Variants in PTPRG observed in about 807,000 individuals in gnomAD.
The protein encoded by PTPRG is protein tyrosine phosphatase receptor type G, also known as receptor-type tyrosine-protein phosphatase gamma.
Under a neutral mutation model 165.3 loss-of-function variants are expected in PTPRG, and 102 were observed. The ratio of observed to expected loss-of-function variants is 0.62; its 90% confidence interval spans 0.53 to 0.73. PTPRG has a LOEUF of 0.73. PTPRG is among the 30% of genes least tolerant of loss of function. The probability of loss-of-function intolerance (pLI) is 0.00; values close to 1 mark genes in which losing one functional copy is unlikely to be tolerated. For synonymous variants in PTPRG, 675 were observed against 669.5 expected (o/e 1.01, Z -0.13); for missense variants, 1,866 against 1,861.4 (o/e 1.00, Z -0.05).
rs966851945 is a variant in PTPRG at position 61,742,402 on chromosome 3, A to G, written c.86-6476A>G. ...GAAGAAATTGGGCCTTTGGGTCTGG[A>G]ATTTTTTTTTTTTTTTTTTTTGAAC... On this transcript the variant is annotated intron_variant, in intron 1 of 29. Transcript: ENST00000474889. 218 of 786,676 alleles carry G rather than the reference A, an allele frequency of 2.8e-4. 2 individuals carry two copies. The highest frequency in any genetic ancestry group is 5.7e-4 in the Middle Eastern group (2 of 3,494). 48.7% of individuals were successfully genotyped at this position (786,676 alleles called of 1,614,324 possible). A position where few individuals can be genotyped will look rare whatever the true frequency, so the allele number is the denominator to read the frequency against.
At chr3:62,140,753 A>G (rs1703894920) in intron 6 of PTPRG, among the ~76,000 whole-genome samples, 1 of 151,168 alleles carries the variant, frequency 6.6e-6, no homozygotes, top group East Asian at 2.0e-4. Flanking sequence ...AGACTGAGGC[A>G]GGAGAATCAC....
intron 15 of PTPRG, among the ~76,000 whole-genome samples, chr3:62,244,883 G>A (rs1350882546): frequency 1.3e-5 from 2 of 152,140 alleles, no homozygotes; most frequent in African/African-American, 4.8e-5. Flanking sequence ...TTCTAAAAAG[G>A]TCTTGGCTGT....
intron 1 of PTPRG, among the ~76,000 whole-genome samples, chr3:61,730,896 C>A (rs1055994374): frequency 7.9e-5 from 12 of 152,168 alleles, no homozygotes; most frequent in African/African-American, 2.9e-4. Context: ...AACTGGATTT[C>A]TAGGTTACAA....
At chr3:61,589,077 A>G (rs1201856504) in intron 1 of PTPRG, among the ~76,000 whole-genome samples, 4 of 152,236 alleles carry the variant, frequency 2.6e-5, no homozygotes, top group Non-Finnish European at 4.4e-5. Flanking sequence ...ATTTTGCTAC[A>G]TTTTTAATTG....
intron 2 of PTPRG, chr3:61,753,689 G>A (rs116271407): frequency 2.4e-6 from 1 of 417,768 alleles, no homozygotes; most frequent in African/African-American, 2.1e-5. Flanking sequence ...TGCTTCCTGA[G>A]TTCAAGCAAT....
intron 1 of PTPRG, among the ~76,000 whole-genome samples, chr3:61,588,194 T>C (rs1279785037): frequency 6.6e-6 from 1 of 152,134 alleles, no homozygotes; most frequent in East Asian, 1.9e-4. Context: ...ATTACAGTTA[T>C]GCGTCCTGTT....
chr3:61,968,782 T>C (rs944157109), intron 2 of PTPRG, among the ~76,000 whole-genome samples: 2 of 152,156 alleles, frequency 1.3e-5, no homozygotes, highest in African/African-American at 4.8e-5. Context: ...ATGAGGATGA[T>C]CTTGATGATA....
At chr3:61,720,492 C>T (rs573798387) in intron 1 of PTPRG, among the ~76,000 whole-genome samples, 13 of 152,174 alleles carry the variant, frequency 8.5e-5, no homozygotes, top group South Asian at 6.2e-4. Context: ...TATAGTGAAC[C>T]GCTCAATGAA....
At chr3:62,018,596 A>C (rs755235880) in intron 4 of PTPRG, among the ~76,000 whole-genome samples, 1 of 152,266 alleles carries the variant, frequency 6.6e-6, no homozygotes, top group African/African-American at 2.4e-5. Flanking sequence ...TGCCTCTTCA[A>C]ATGGTAGTCT....
At chr3:62,128,985 G>GT (rs560906434) in intron 5 of PTPRG, among the ~76,000 whole-genome samples, 73 of 152,160 alleles carry the variant, frequency 4.8e-4, no homozygotes, top group Non-Finnish European at 8.2e-4. Flanking sequence ...AATGAGCTCA[G>GT]TATTATTAGT....
chr3:61,653,742 A>C (rs1457022386), intron 1 of PTPRG, among the ~76,000 whole-genome samples: 2 of 152,144 alleles, frequency 1.3e-5, no homozygotes, highest in Non-Finnish European at 2.9e-5. Flanking sequence ...CTTCCTGTAT[A>C]AGGGCCCAGC....
At chr3:62,172,160 T>C (rs975586875) in intron 8 of PTPRG, among the ~76,000 whole-genome samples, 2 of 152,228 alleles carry the variant, frequency 1.3e-5, no homozygotes, top group African/African-American at 4.8e-5. Context: ...TTAATGGACA[T>C]TGAGTTTTTT....
intron 12 of PTPRG, among the ~76,000 whole-genome samples, chr3:62,204,294 ATAATG>A (rs1219138588): frequency 1.3e-5 from 2 of 152,224 alleles, no homozygotes; most frequent in African/African-American, 2.4e-5. Context: ...TATTCATTAT[ATAATG>A]TATCTACAAA....
rs542306888 is a variant in PTPRG at position 62,069,684 on chromosome 3, T to TCTCACACA, written c.520-8478_520-8477insTCACACAC. On this transcript the variant is annotated intron_variant, in intron 4 of 29. Coordinates refer to ENST00000474889, the MANE Select transcript of PTPRG (RefSeq NM_002841.4). ...CTCTCTCTCTCTCTCTCTCTCTCTC[T>TCTCACACA]CACACACAGACACACGCACACACAC... 8.4e-3 allele frequency among the ~76,000 whole-genome samples: 1,217 copies of TCTCACACA among 144,776 alleles called. 23 individuals carry two copies. The highest frequency in any genetic ancestry group is 0.028 in the African/African-American group (1,051 of 37,622). The allele number at this position is 144,776 out of a possible 152,430, so 95.0% of individuals were successfully genotyped here.
At chr3:61,936,033 G>T (rs540525715) in intron 2 of PTPRG, among the ~76,000 whole-genome samples, 5 of 152,098 alleles carry the variant, frequency 3.3e-5, no homozygotes, top group African/African-American at 4.8e-5. Flanking sequence ...GTTGAATGAA[G>T]TGCTGTCTTG....
intron 5 of PTPRG, among the ~76,000 whole-genome samples, chr3:62,121,487 G>A (rs1042003707): frequency 6.6e-6 from 1 of 151,984 alleles, no homozygotes; most frequent in Admixed American, 6.6e-5. Flanking sequence ...GTTGTGAATC[G>A]GGCTCTAGCA....
At chr3:61,914,264 C>A (rs551485748) in intron 2 of PTPRG, among the ~76,000 whole-genome samples, 1 of 152,178 alleles carries the variant, frequency 6.6e-6, no homozygotes, top group South Asian at 2.1e-4. Flanking sequence ...TTTGTGATTC[C>A]ATGTGGGGTG....
At chr3:61,815,482 A>G (rs1042452519) in intron 2 of PTPRG, among the ~76,000 whole-genome samples, 3 of 152,162 alleles carry the variant, frequency 2.0e-5, no homozygotes, top group East Asian at 1.9e-4. Flanking sequence ...CCTGTTTCCA[A>G]TGCAGTCTTA....
At chr3:62,027,030 T>C (rs1002831387) in intron 4 of PTPRG, among the ~76,000 whole-genome samples, 7 of 152,186 alleles carry the variant, frequency 4.6e-5, no homozygotes, top group Non-Finnish European at 1.0e-4. Context: ...TTGTTGTTAC[T>C]ACTACTGAGT....
Sources: gnomAD v4.1 joint callset for allele counts (sites outside exome capture counted in the v4.1 genomes callset) on GRCh38, gnomAD v4.1.1 for gene constraint, MANE v1.5 for transcripts, NCBI Gene and HGNC (gene_info 2026-07-23, HGNC 2026-07-21) for gene names.